ATL3: variants seen among roughly 807,000 people sequenced by gnomAD.
ATL3 encodes the protein atlastin GTPase 3, also known as atlastin-3.
Under a neutral mutation model 69.5 loss-of-function variants are expected in ATL3, and 49 were observed. The ratio of observed to expected loss-of-function variants is 0.71; its 90% CI spans 0.56 to 0.89. ATL3 has a LOEUF of 0.89. Among genes scored for constraint, ATL3 ranks in the 40% least tolerant of loss-of-function variants. The pLI is 0.00. For synonymous variants in ATL3, 214 were observed against 224.1 expected (o/e 0.95, Z 0.40); for missense variants, 606 against 645.7 (o/e 0.94, Z 0.67).
In ATL3 at chr11:63,627,110, C is replaced by T. The variant is rs1939138610; in HGVS notation, c.*2209G>A. The T allele has an allele frequency of 6.6e-6, 1 of 152,110 alleles. No individual in the cohort carries two copies. The highest frequency in any genetic ancestry group is 2.1e-4 in the South Asian group (1 of 4,808). 9.4% of individuals were successfully genotyped at this position (152,110 alleles called of 1,614,324 possible). On this transcript the variant is annotated 3_prime_UTR_variant, in exon 13 of 13. Transcript: ENST00000398868. The stretch of plus-strand genomic sequence containing the variant: ...GACCTAATACTTTAGTATGAGTTTT[C>T]GACACATCACCCCTTCTTACCATTA...
At chr11:63,653,833 G>A (rs1940156223) in intron 3 of ATL3, among the ~76,000 whole-genome samples, 1 of 152,206 alleles carries the variant, frequency 6.6e-6, no homozygotes, top group Non-Finnish European at 1.5e-5. Context: ...AGTTTGTGGG[G>A]AGGGAAGAGA....
chr11:63,669,101 G>A (rs1357499333), intron 1 of ATL3, among the ~76,000 whole-genome samples: 2 of 150,298 alleles, frequency 1.3e-5, no homozygotes, highest in Non-Finnish European at 3.0e-5. Context: ...CCAAAATGCT[G>A]GGATTACAGG....
rs1349055518 is a variant in ATL3, at chr11:63,631,280, AC to A, written c.1298del (p.Gly433ValfsTer20). ...GGAAGGTGCTGAAGACGTTCTTGCT[AC>A]CATTGTGCTTGCAGAAGTTCTCATA... The part of the protein sequence containing the change: ...ELYENFCKHN[G>X]SKNVFSTFRT... On this transcript the variant is annotated frameshift_variant, in exon 12 of 13. Transcript: ENST00000398868. LOFTEE classifies it high-confidence loss of function. 1 of 1,614,202 alleles carries A rather than the reference AC, an allele frequency of 6.2e-7. No individual in the cohort carries two copies. The highest frequency in any genetic ancestry group is 8.5e-7 in the Non-Finnish European group (1 of 1,180,046).
At chr11:63,657,900 G>A (rs1408848584) in intron 3 of ATL3, among the ~76,000 whole-genome samples, 3 of 144,610 alleles carry the variant, frequency 2.1e-5, no homozygotes, top group African/African-American at 7.8e-5. Flanking sequence ...ACTGTCGCCC[G>A]AGCTGGAGGA....
At position 63,659,136 on chromosome 11, in the gene ATL3, T is replaced by C; in HGVS notation, c.163A>G (p.Ile55Val). 6.2e-7 allele frequency: 1 copy of C among 1,614,096 alleles called. No homozygotes were observed. Among genetic ancestry groups the C allele is most frequent in the Non-Finnish European group, 8.5e-7 (1 of 1,180,022 alleles). The stretch of plus-strand genomic sequence containing the variant: ...ACCACCACCACATCAAGATCTCGGA[T>C]GTGGTCCTGCAAGAGGATGCTGGCC... ...ALASILLQDH[I>V]RDLDVVVVSV... The change falls in exon 2 of 13, where the codon ATC (isoleucine) becomes GTC (valine). Residue 55 changes from isoleucine (I) to valine (V), a missense_variant. Coordinates refer to ENST00000398868, the MANE Select transcript of ATL3 (RefSeq NM_015459.5).
upstream of ATL3, chr11:63,671,540 G>A: frequency 7.0e-7 from 1 of 1,426,666 alleles, no homozygotes; most frequent in Non-Finnish European, 9.2e-7. Flanking sequence ...GGCGTGGCGA[G>A]CGCAGGACGA....
At chr11:63,643,578 A>G in intron 7 of ATL3, 83 bp from the exon 8 acceptor site, 1 of 1,305,416 alleles carries the variant, frequency 7.7e-7, no homozygotes, top group Admixed American at 2.2e-5. Flanking sequence ...GACAAAGGAA[A>G]GAAGACTCCT....
In ATL3 at chr11:63,636,332, T is replaced by C. The variant is rs1031320296; in HGVS notation, c.853A>G (p.Ile285Val). Residue 285 changes from isoleucine (I) to valine (V), a missense_variant and splice_region_variant, in exon 9 of 13, where the codon ATT (isoleucine) becomes GTT (valine). Ile to Val is a conservative substitution (Grantham distance 29). Transcript: ENST00000398868. ...AACTGCTCTTTGAATTCACCAGCAA[T>C]ATCTGTTCACAGGACGACAAAGAAG... ...SPDFDGKLKD[I>V]AGEFKEQLQA... 1 of 1,614,008 alleles carries C rather than the reference T, an allele frequency of 6.2e-7. No homozygotes were observed. The highest frequency in any genetic ancestry group is 8.5e-7 in the Non-Finnish European group (1 of 1,179,998).
At chr11:63,657,455 A>G (rs571229220) in intron 3 of ATL3, among the ~76,000 whole-genome samples, 1 of 152,298 alleles carries the variant, frequency 6.6e-6, no homozygotes, top group East Asian at 1.9e-4. Flanking sequence ...GAGATCCCCA[A>G]TGCCATTTCC....
chr11:63,626,594 T>G lies in ATL3; in HGVS notation c.*2725A>C, dbSNP rs1939120345. The G allele has an allele frequency of 6.6e-6, 1 of 152,218 alleles. No individual in the cohort carries two copies. The highest frequency in any genetic ancestry group is 6.5e-5 in the Admixed American group (1 of 15,282). The allele number at this position is 152,218 out of a possible 1,614,324, so 9.4% of individuals were successfully genotyped here. On this transcript the variant is annotated 3_prime_UTR_variant, in exon 13 of 13. Transcript: ENST00000398868. ...CCTGAAATATTTTAATAGAAAATTT[T>G]GGAAGCCTCCTTTTATATATTCATA... is the stretch of plus-strand genomic sequence containing the variant.
chr11:63,671,637 T>C, upstream of ATL3: 1 of 1,411,916 alleles, frequency 7.1e-7, no homozygotes, highest in Non-Finnish European at 9.3e-7. Context: ...GCCGGGTACC[T>C]GTTGGCGGGG....
Position 63,631,157 on chromosome 11 carries a change from G to T in ATL3, c.1422C>A (p.Asn474Lys). Residue 474 changes from asparagine (N) to lysine (K), a missense_variant, in exon 12 of 13, where the codon AAC becomes AAA. Coordinates refer to ENST00000398868, the MANE Select transcript of ATL3 (RefSeq NM_015459.5). ...IGLEVVAQLF[N>K]CMVGLLLIAL... ...CTATTAACAGTAGTCCAACCATACAGTTGAACAACTGGGCTACAACCTCAA... is the reference window on the plus strand; with the variant it reads ...CTATTAACAGTAGTCCAACCATACATTTGAACAACTGGGCTACAACCTCAA... 6.2e-7 allele frequency: 1 copy of T among 1,614,204 alleles called. No homozygotes were observed. Among genetic ancestry groups the T allele is most frequent in the South Asian group, 1.1e-5 (1 of 91,080 alleles).
Position 63,636,190 on chromosome 11 carries a change from C to T in ATL3, c.978+17G>A. On this transcript the variant is annotated intron_variant, in intron 9 of 12. Coordinates refer to ENST00000398868, the MANE Select transcript of ATL3 (RefSeq NM_015459.5). ...TACCAAAAATCAAACATTTTAATAA[C>T]TAAAACCCATATTTACCTTAAAATA... is the stretch of plus-strand genomic sequence containing the variant. 1 of 1,606,826 alleles carries T rather than the reference C, an allele frequency of 6.2e-7. No individual in the cohort carries two copies. The highest frequency in any genetic ancestry group is 8.5e-7 in the Non-Finnish European group (1 of 1,178,010).
intron 1 of ATL3, 94 bp downstream of exon 1, chr11:63,671,196 G>A (rs914435312): frequency 1.8e-4 from 260 of 1,455,826 alleles, no homozygotes; most frequent in Middle Eastern, 9.9e-4. Context: ...GGACGAGGAA[G>A]GGCGGCGGCG....
intron 11 of ATL3, 84 bp from the exon 12 acceptor site, chr11:63,631,555 T>A: frequency 4.1e-6 from 5 of 1,204,826 alleles, no homozygotes; most frequent in Non-Finnish European, 5.7e-6. Context: ...ATGAAAGGAT[T>A]AGAATGTTTT....
chr11:63,659,806 C>T (rs1019843607), intron 1 of ATL3, among the ~76,000 whole-genome samples: 5 of 150,822 alleles, frequency 3.3e-5, no homozygotes, highest in African/African-American at 7.3e-5. Flanking sequence ...TGTGGTGGCA[C>T]GCACCTGTAA....
chr11:63,654,679 T>A (rs1044371530), intron 3 of ATL3, among the ~76,000 whole-genome samples: 1 of 150,620 alleles, frequency 6.6e-6, no homozygotes, highest in Non-Finnish European at 1.5e-5. Context: ...ATTACAGGCC[T>A]AAGCCACCAT....
chr11:63,658,781 CCA>C lies in ATL3; in HGVS notation c.383_384del (p.Val128GlyfsTer20). On this transcript the variant is annotated frameshift_variant, in exon 3 of 13. Coordinates refer to ENST00000398868, the MANE Select transcript of ATL3 (RefSeq NM_015459.5). LOFTEE classifies it high-confidence loss of function. ...CTTACCTTCTTCCCACCTGGCTTCT[CCA>C]CAGTGAAAACTTCACTCCAGATTTG... Reference protein sequence around the residue: ...GIQIWSEVFTVEKPGGKKVAV... With the variant: ...GIQIWSEVFTXEKPGGKKVAV... 1 of 1,604,968 alleles carries C rather than the reference CCA, an allele frequency of 6.2e-7. No homozygotes were observed. The highest frequency in any genetic ancestry group is 8.5e-7 in the Non-Finnish European group (1 of 1,177,404).
At chr11:63,648,795 T>G (rs1400343186) in intron 5 of ATL3, among the ~76,000 whole-genome samples, 3 of 144,232 alleles carry the variant, frequency 2.1e-5, no homozygotes, top group Non-Finnish European at 3.0e-5. Context: ...GGCAGCAGAG[T>G]GAGACTCTGT....
Sources: gnomAD v4.1 joint callset for allele counts (sites outside exome capture counted in the v4.1 genomes callset) on GRCh38, gnomAD v4.1.1 for gene constraint, MANE v1.5 for transcripts, NCBI Gene and HGNC (gene_info 2026-07-23, HGNC 2026-07-21) for gene names.